The following RAD54B variants were observed in gnomAD, a reference collection of about 807,000 sequenced individuals.
RAD54B encodes DNA repair and recombination protein RAD54B.
RAD54B carries 78 observed loss-of-function variants against 95.8 expected under a neutral mutation model. The observed-to-expected ratio is 0.81, with a 90% CI of 0.68 to 0.98. RAD54B has a LOEUF of 0.98. Among genes scored for constraint, RAD54B ranks in the 50% least tolerant of loss-of-function variants. The probability of loss-of-function intolerance (pLI) is 0.00; values close to 1 mark genes in which losing one functional copy is unlikely to be tolerated. For synonymous variants in RAD54B, 328 were observed against 354.9 expected, an observed-to-expected ratio of 0.92 and a Z score of 0.85; for missense variants, 957 against 1,056.6, an observed-to-expected ratio of 0.91 and a Z score of 1.31.
chr8:94,374,333 G>C (rs548038903), intron 14 of RAD54B, among the ~76,000 whole-genome samples: 1 of 150,908 alleles, frequency 6.6e-6, no homozygotes, highest in African/African-American at 2.4e-5. Flanking sequence ...GAAGACAATA[G>C]AATAATACCT....
At chr8:94,401,026 T>C (rs1011460440) in intron 6 of RAD54B, among the ~76,000 whole-genome samples, 3 of 152,198 alleles carry the variant, frequency 2.0e-5, no homozygotes, top group Admixed American at 6.5e-5. Context: ...AATTTAAAAT[T>C]AAATGTTATT....
Position 94,427,877 on chromosome 8 carries a change from C to CA in RAD54B, c.305-16563dup. On this transcript the variant is annotated intron_variant, in intron 3 of 14. Transcript: ENST00000336148. ...CAAAAGAAGGCACATGAAAAAAACT[C>CA]ATAGTTTAAACATTTTCACATAAGT... The CA allele has an allele frequency of 3.1e-6, 3 of 956,088 alleles. No individual in the cohort carries two copies. The South Asian group carries it at 1.5e-4, about 46-fold the overall frequency. The allele number at this position is 956,088 out of a possible 1,614,324, so 59.2% of individuals were successfully genotyped here. A position where few individuals can be genotyped will look rare whatever the true frequency, so the allele number is the denominator to read the frequency against.
chr8:94,443,009 C>G (rs1812438805), intron 3 of RAD54B, among the ~76,000 whole-genome samples: 1 of 152,204 alleles, frequency 6.6e-6, no homozygotes, highest in South Asian at 2.1e-4. Context: ...TCCCCTAAAA[C>G]CAGCACATGC....
In RAD54B at chr8:94,372,078, T is replaced by C. The variant is rs1810453739; in HGVS notation, c.*92A>G. ...ATATATTTTGCAACATATACTGTAA[T>C]TTAAATAATTCTATTAATTTTCAAA... On this transcript the variant is annotated 3_prime_UTR_variant, in exon 15 of 15. Coordinates refer to ENST00000336148, the MANE Select transcript of RAD54B (RefSeq NM_012415.3). The C allele has an allele frequency of 6.8e-7, 1 of 1,480,484 alleles. No individual in the cohort carries two copies. Among genetic ancestry groups the C allele is most frequent in the Admixed American group, 2.9e-5 (1 of 34,574 alleles). The allele number at this position is 1,480,484 out of a possible 1,614,324, so 91.7% of individuals were successfully genotyped here. A position where few individuals can be genotyped will look rare whatever the true frequency, so the allele number is the denominator to read the frequency against.
chr8:94,387,716 A>G (rs1283268112), intron 10 of RAD54B, among the ~76,000 whole-genome samples: 2 of 152,224 alleles, frequency 1.3e-5, no homozygotes, highest in Non-Finnish European at 2.9e-5. Flanking sequence ...CTTACTTACA[A>G]CAATACTTTT....
intron 3 of RAD54B, chr8:94,428,662 T>C: frequency 1.3e-6 from 1 of 779,476 alleles, no homozygotes; most frequent in Non-Finnish European, 1.6e-6. Flanking sequence ...TATTTATTTT[T>C]CTGCCTGAAT....
Position 94,399,596 on chromosome 8 carries a change from T to G in RAD54B, c.1196A>C (p.Lys399Thr). 6.2e-7 allele frequency: 1 copy of G among 1,610,264 alleles called. No individual in the cohort carries two copies. Residue 399 changes from lysine to threonine, a missense_variant, in exon 8 of 15, where the codon AAG becomes ACG. Lys to Thr is a moderately conservative substitution (Grantham distance 78). Coordinates refer to ENST00000336148, the MANE Select transcript of RAD54B (RefSeq NM_012415.3). The stretch of plus-strand genomic sequence containing the variant: ...AATAAGAACAGAATAAAATATAGAC[T>G]TGATGAATTCTTCAACTTTGTGGTC... ...DQDHKVEEFI[K>T]SIFYSVLIIS... is the part of the protein sequence containing the mutation.
chr8:94,444,811 T>C (rs1586028760), intron 3 of RAD54B, among the ~76,000 whole-genome samples: 1 of 152,344 alleles, frequency 6.6e-6, no homozygotes, highest in African/African-American at 2.4e-5. Context: ...ATTCTTCCTC[T>C]GTCCCTTTGA....
At chr8:94,439,879 G>T (rs936392201) in intron 3 of RAD54B, among the ~76,000 whole-genome samples, 1 of 152,128 alleles carries the variant, frequency 6.6e-6, no homozygotes, top group Non-Finnish European at 1.5e-5. Context: ...GTTGTATATT[G>T]TTTATTATCA....
chr8:94,387,188 G>T, intron 10 of RAD54B, 29 bp from the exon 11 acceptor site: 1 of 1,501,566 alleles, frequency 6.7e-7, no homozygotes, highest in Non-Finnish European at 8.9e-7. Flanking sequence ...GTTAATGCTG[G>T]CTCAAGTTTG....
chr8:94,440,837 A>G (rs1037318560), intron 3 of RAD54B, among the ~76,000 whole-genome samples: 5 of 152,186 alleles, frequency 3.3e-5, no homozygotes, highest in Admixed American at 2.0e-4. Flanking sequence ...GCCCCACCTG[A>G]GGGAAGAGAG....
chr8:94,444,905 G>C (rs1221634011), intron 3 of RAD54B, among the ~76,000 whole-genome samples: 3 of 152,118 alleles, frequency 2.0e-5, no homozygotes, highest in Non-Finnish European at 2.9e-5. Flanking sequence ...CATCAGGAAG[G>C]TTTGGATCTC....
At chr8:94,448,059 C>G (rs1812562762) in intron 3 of RAD54B, among the ~76,000 whole-genome samples, 1 of 152,000 alleles carries the variant, frequency 6.6e-6, no homozygotes, top group South Asian at 2.1e-4. Context: ...CTTGTGTTTT[C>G]TTCTTTGCCT....
chr8:94,407,357 AC>A (rs1811415848), intron 5 of RAD54B, 81 bp downstream of exon 5: 8 of 1,386,060 alleles, frequency 5.8e-6, no homozygotes, highest in African/African-American at 1.5e-5. Context: ...AACTTTTAAA[AC>A]AAAATTTAAA....
chr8:94,463,873 CCAT>C (rs1812960093), intron 2 of RAD54B, among the ~76,000 whole-genome samples: 1 of 137,802 alleles, frequency 7.3e-6, no homozygotes, highest in Non-Finnish European at 1.5e-5. Flanking sequence ...CATGATGGTG[CCAT>C]CATCAAGACC....
intron 3 of RAD54B, among the ~76,000 whole-genome samples, chr8:94,440,447 CATGGATATACTTGTTAAGA>C (rs1359739550): frequency 5.9e-5 from 9 of 152,126 alleles, no homozygotes; most frequent in African/African-American, 2.2e-4. Context: ...GAAAAGGTAT[CATGGATATACTTGTTAAGA>C]ATATTACGAA....
intron 2 of RAD54B, among the ~76,000 whole-genome samples, chr8:94,459,875 T>C (rs999901140): frequency 1.0e-5 from 1 of 98,786 alleles, no homozygotes; most frequent in East Asian, 3.3e-4. Context: ...AATAAAAAAT[T>C]AGGCCGGGCG....
At chr8:94,469,836 ATCC>A (rs1245213566) in intron 1 of RAD54B, among the ~76,000 whole-genome samples, 2 of 152,216 alleles carry the variant, frequency 1.3e-5, no homozygotes, top group Non-Finnish European at 2.9e-5. Flanking sequence ...TGTTTTTACT[ATCC>A]TACTTCATTT....
chr8:94,396,778 T>G (rs1811158456), intron 8 of RAD54B, among the ~76,000 whole-genome samples: 1 of 152,164 alleles, frequency 6.6e-6, no homozygotes, highest in Non-Finnish European at 1.5e-5. Flanking sequence ...GTGACTGTTT[T>G]TGGAGATAGG....
Sources: gnomAD v4.1 joint callset for allele counts (sites outside exome capture counted in the v4.1 genomes callset) on GRCh38, gnomAD v4.1.1 for gene constraint, MANE v1.5 for transcripts, NCBI Gene and HGNC (gene_info 2026-07-23, HGNC 2026-07-21) for gene names.